Variants in PIGU observed in about 807,000 individuals in gnomAD.
PIGU encodes the protein phosphatidylinositol glycan anchor biosynthesis class U.
Under a neutral mutation model 49.9 loss-of-function variants are expected in PIGU, and 24 were observed. The observed-to-expected ratio is 0.48, with a 90% CI of 0.35 to 0.68. The LOEUF (loss-of-function observed/expected upper bound fraction) is 0.68. Ranked by LOEUF, PIGU falls within the 30% of genes least tolerant of loss-of-function variation. The pLI, the probability that PIGU is intolerant of heterozygous loss-of-function variation, is 0.01. For missense variants in PIGU, 490 were observed against 532.6 expected, an observed-to-expected ratio of 0.92 and a Z score of 0.79; for synonymous variants, 220 against 205.7, an observed-to-expected ratio of 1.07 and a Z score of -0.59.
chr20:34,657,327 G>A, intron 1 of PIGU, 83 bp from the exon 2 acceptor site: 2 of 1,002,408 alleles, frequency 2.0e-6, no homozygotes, highest in Non-Finnish European at 3.1e-6. Flanking sequence ...AACCAAAAAG[G>A]GCCTTAGCGT....
rs1302845556 is a variant in PIGU at position 34,634,595 on chromosome 20, C to T, written c.529+20G>A. 5 of 1,608,716 alleles carry T rather than the reference C, an allele frequency of 3.1e-6. No homozygotes were observed. The Admixed American group carries it at 8.4e-5, about 27-fold the overall frequency. The stretch of plus-strand genomic sequence containing the variant: ...CATAAATCAGGGACTGACCTTTGTA[C>T]TCTCCTTTCAGGGCCTTACCTTTTA... On this transcript the variant is annotated intron_variant, in intron 6 of 11. Transcript: ENST00000217446.
intron 7 of PIGU, among the ~76,000 whole-genome samples, chr20:34,601,606 T>A (rs539139567): frequency 9.2e-4 from 140 of 152,268 alleles, no homozygotes; most frequent in Admixed American, 2.5e-3. Flanking sequence ...AAGAATTAGA[T>A]TTTCCACAAG....
chr20:34,676,830 C>T lies in PIGU; in HGVS notation c.130+126G>A, dbSNP rs539047452. ...CCTCAGGCCCCGCCCTCTCCAAGAA[C>T]CCCACGAGACAGTCAGTTAGTTCTC... On this transcript the variant is annotated intron_variant, in intron 1 of 11. Transcript: ENST00000217446. 2.3e-4 allele frequency: 215 copies of T among 929,400 alleles called. 1 individual carries two copies. The highest frequency in any genetic ancestry group is 1.1e-3 in the Admixed American group (47 of 41,286). The allele number at this position is 929,400 out of a possible 1,614,324, so 57.6% of individuals were successfully genotyped here.
intron 7 of PIGU, among the ~76,000 whole-genome samples, chr20:34,613,786 G>A (rs906533996): frequency 3.9e-5 from 6 of 152,144 alleles, no homozygotes; most frequent in Non-Finnish European, 8.8e-5. Flanking sequence ...TTCACTGTAT[G>A]GTGACACATC....
chr20:34,561,090 T>C (rs778877950), intron 11 of PIGU, 111 bp from the exon 12 acceptor site: 3 of 724,136 alleles, frequency 4.1e-6, no homozygotes, highest in Non-Finnish European at 4.6e-6. Flanking sequence ...TGCCTGGCTC[T>C]GGATCACAAT....
intron 5 of PIGU, among the ~76,000 whole-genome samples, chr20:34,636,311 G>A (rs1344625198): frequency 6.6e-6 from 1 of 152,162 alleles, no homozygotes; most frequent in Non-Finnish European, 1.5e-5. Context: ...GGGAGGCCGA[G>A]GTGGGTGGAT....
chr20:34,651,933 C>A (rs926741501), intron 2 of PIGU, among the ~76,000 whole-genome samples: 4 of 151,944 alleles, frequency 2.6e-5, no homozygotes, highest in Non-Finnish European at 5.9e-5. Context: ...GTGAGACCCC[C>A]CCCATCTCTA....
chr20:34,669,034 G>C (rs143220569), intron 1 of PIGU, among the ~76,000 whole-genome samples: 1 of 151,548 alleles, frequency 6.6e-6, no homozygotes, highest in Non-Finnish European at 1.5e-5. Context: ...ACAGGTGTGC[G>C]CCACCAAACC....
intron 7 of PIGU, among the ~76,000 whole-genome samples, chr20:34,602,554 G>A (rs1984465798): frequency 6.6e-6 from 1 of 152,012 alleles, no homozygotes; most frequent in African/African-American, 2.4e-5. Flanking sequence ...CTGAGATTGT[G>A]CCACAGCACT....
chr20:34,651,363 T>G (rs1986535455), intron 2 of PIGU, among the ~76,000 whole-genome samples: 1 of 152,230 alleles, frequency 6.6e-6, no homozygotes, highest in Non-Finnish European at 1.5e-5. Context: ...GCCAGCCAAT[T>G]TCTGTTCTGC....
chr20:34,577,767 C>G (rs1175969376), intron 10 of PIGU, among the ~76,000 whole-genome samples: 1 of 152,090 alleles, frequency 6.6e-6, no homozygotes, highest in Non-Finnish European at 1.5e-5. Context: ...ACACGGAGAG[C>G]CCTCAGACTA....
At chr20:34,598,049 T>A (rs1014959919) in intron 7 of PIGU, among the ~76,000 whole-genome samples, 28 of 152,126 alleles carry the variant, frequency 1.8e-4, no homozygotes, top group Middle Eastern at 3.4e-3. Flanking sequence ...TATATATTTT[T>A]AAAAATATAT....
chr20:34,675,494 T>C (rs1408314123), intron 1 of PIGU, among the ~76,000 whole-genome samples: 1 of 152,140 alleles, frequency 6.6e-6, no homozygotes, highest in Non-Finnish European at 1.5e-5. Flanking sequence ...TATTACTATC[T>C]TTATTACCAT....
intron 2 of PIGU, among the ~76,000 whole-genome samples, chr20:34,648,313 G>T (rs1456127707): frequency 6.6e-6 from 1 of 150,420 alleles, no homozygotes; most frequent in Non-Finnish European, 1.5e-5. Context: ...ATATATTTTG[G>T]AGCTATGTAA....
Position 34,606,421 on chromosome 20 carries a change from C to T in PIGU, c.627+9621G>A, listed in dbSNP as rs193294783. Among the ~76,000 whole-genome samples the T allele has an allele frequency of 8.0e-4, 122 of 152,156 alleles. 1 individual carries two copies. The highest frequency in any genetic ancestry group is 6.1e-3 in the Admixed American group (93 of 15,276). On this transcript the variant is annotated intron_variant, in intron 7 of 11. Coordinates refer to ENST00000217446, the MANE Select transcript of PIGU (RefSeq NM_080476.5). ...GTTATTGTGTCTCTTTAGTCCAGAA[C>T]GGTTTCTCCACTTTTTCTTTTTCAT...
intron 4 of PIGU, among the ~76,000 whole-genome samples, chr20:34,638,982 A>T (rs367892304): frequency 8.5e-5 from 13 of 152,362 alleles, no homozygotes; most frequent in South Asian, 4.1e-4. Flanking sequence ...ACAGTATTTC[A>T]GAGGAGCCAA....
rs1470413956 is a variant in PIGU at position 34,619,110 on chromosome 20, GAGAA to G, written c.530-2975_530-2972del. On this transcript the variant is annotated intron_variant, in intron 6 of 11. Transcript: ENST00000217446. ...GTTGACAGAAAGTAGAAGGGAGGCA[GAGAA>G]AGAGAGAAGCTAGAAGTAATAGGAC... Among the ~76,000 whole-genome samples the G allele has an allele frequency of 5.3e-5, 8 of 152,204 alleles. No individual in the cohort carries two copies. The East Asian group carries it at 5.8e-4, about 11-fold the overall frequency.
chr20:34,608,698 T>C (rs1012803517), intron 7 of PIGU, among the ~76,000 whole-genome samples: 1 of 151,926 alleles, frequency 6.6e-6, no homozygotes, highest in Non-Finnish European at 1.5e-5. Context: ...CCATTTTGAT[T>C]TGGAAGTAGA....
intron 4 of PIGU, among the ~76,000 whole-genome samples, chr20:34,642,725 A>C: frequency 7.3e-6 from 1 of 136,824 alleles, no homozygotes; most frequent in Admixed American, 7.5e-5. Context: ...CACACACACA[A>C]GTTTATTTTT....
Sources: allele counts gnomAD v4.1 joint callset (sites outside exome capture counted in the v4.1 genomes callset), GRCh38; gene constraint gnomAD v4.1.1; transcripts MANE v1.5; gene names NCBI Gene and HGNC (gene_info 2026-07-23, HGNC 2026-07-21).